UNC5D: variants seen among roughly 807,000 people sequenced by gnomAD.
The protein encoded by UNC5D is unc-5 netrin receptor D.
Under a neutral mutation model 105.4 loss-of-function variants are expected in UNC5D, and 39 were observed. That is an observed-to-expected ratio of 0.37 (90% CI 0.29 to 0.48). UNC5D has a LOEUF of 0.48. Ranked by LOEUF, UNC5D falls within the 20% of genes least tolerant of loss-of-function variation. The pLI is 0.98. For missense variants in UNC5D, 991 were observed against 1,202.4 expected (o/e 0.82, Z 2.60); for synonymous variants, 452 against 450.4 (o/e 1.00, Z -0.04).
chr8:35,284,516 A>G (rs1470978669), intron 1 of UNC5D, among the ~76,000 whole-genome samples: 2 of 152,160 alleles, frequency 1.3e-5, no homozygotes, highest in Non-Finnish European at 2.9e-5. Flanking sequence ...ATTTAGCAGT[A>G]GGAAAATCTG....
In UNC5D at chr8:35,647,819, A is replaced by AT. The variant is rs1823151560; in HGVS notation, c.571-35725dup. Reference sequence around the variant, plus strand: ...TTATCTTTTAATCTAGATGCAAGAAATTTGCTTACATAAGCATGGTAGAAA... The same window carrying AT: ...TTATCTTTTAATCTAGATGCAAGAAATTTTGCTTACATAAGCATGGTAGAAA... On this transcript the variant is annotated intron_variant, in intron 4 of 16. Transcript: ENST00000404895. 3.3e-5 allele frequency among the ~76,000 whole-genome samples: 5 copies of AT among 152,266 alleles called. No homozygotes were observed. In the South Asian group the frequency reaches 1.0e-3, roughly 32 times the overall value.
intron 8 of UNC5D, among the ~76,000 whole-genome samples, chr8:35,709,703 T>C (rs139742401): frequency 4.6e-5 from 7 of 151,622 alleles, no homozygotes; most frequent in Non-Finnish European, 8.8e-5. Context: ...TAAAACAAAA[T>C]AAAATAAAAT....
intron 11 of UNC5D, among the ~76,000 whole-genome samples, chr8:35,745,182 C>T (rs1417991892): frequency 6.6e-6 from 1 of 152,080 alleles, no homozygotes; most frequent in African/African-American, 2.4e-5. Flanking sequence ...AAAAGTCAAA[C>T]AAAGATCTGC....
intron 1 of UNC5D, among the ~76,000 whole-genome samples, chr8:35,433,309 T>C (rs1434739643): frequency 6.6e-6 from 1 of 152,186 alleles, no homozygotes; most frequent in Non-Finnish European, 1.5e-5. Context: ...TTTATGTCCT[T>C]GGTCCATTTG....
At chr8:35,320,023 A>G (rs1392803790) in intron 1 of UNC5D, among the ~76,000 whole-genome samples, 1 of 152,112 alleles carries the variant, frequency 6.6e-6, no homozygotes, top group African/African-American at 2.4e-5. Context: ...ATTTGAAAAG[A>G]TTTATTCTAA....
chr8:35,575,111 C>T (rs567154458), intron 3 of UNC5D, among the ~76,000 whole-genome samples: 111 of 152,224 alleles, frequency 7.3e-4, no homozygotes, highest in African/African-American at 2.6e-3. Flanking sequence ...TTCAAAGCAT[C>T]GATTTAGTAC....
intron 3 of UNC5D, among the ~76,000 whole-genome samples, chr8:35,594,590 A>G (rs1261321016): frequency 6.6e-6 from 1 of 152,138 alleles, no homozygotes; most frequent in African/African-American, 2.4e-5. Flanking sequence ...GGCAGCAAGA[A>G]TTACCCTCGT....
intron 1 of UNC5D, among the ~76,000 whole-genome samples, chr8:35,423,568 G>A (rs190797853): frequency 2.0e-5 from 3 of 152,200 alleles, no homozygotes; most frequent in Admixed American, 6.5e-5. Context: ...TCAGTGTTTC[G>A]GTGTAATAAA....
intron 5 of UNC5D, 114 bp from the exon 6 acceptor site, chr8:35,684,468 C>T: frequency 2.3e-6 from 3 of 1,306,638 alleles, no homozygotes; most frequent in Non-Finnish European, 3.1e-6. Context: ...GCTGCACAGT[C>T]TCTCGGTCCC....
chr8:35,562,708 G>A (rs978994240), intron 2 of UNC5D, among the ~76,000 whole-genome samples: 3 of 151,924 alleles, frequency 2.0e-5, no homozygotes, highest in Non-Finnish European at 4.4e-5. Flanking sequence ...CATATGTTCG[G>A]TTATTAATCC....
chr8:35,545,884 A>T (rs1190353334), intron 1 of UNC5D, among the ~76,000 whole-genome samples: 1 of 151,464 alleles, frequency 6.6e-6, no homozygotes, highest in Non-Finnish European at 1.5e-5. Context: ...ACGTTAACTG[A>T]TTCTTTTTTC....
chr8:35,352,353 G>A (rs1812297531), intron 1 of UNC5D, among the ~76,000 whole-genome samples: 1 of 151,870 alleles, frequency 6.6e-6, no homozygotes, highest in African/African-American at 2.4e-5. Context: ...TTTTTTGTTG[G>A]TTTGATTGGT....
intron 3 of UNC5D, among the ~76,000 whole-genome samples, chr8:35,578,712 A>G (rs2130831507): frequency 6.6e-6 from 1 of 152,312 alleles, no homozygotes; most frequent in Non-Finnish European, 1.5e-5. Context: ...ACTGAACTGT[A>G]AGAGACTCTG....
intron 8 of UNC5D, among the ~76,000 whole-genome samples, chr8:35,716,009 G>A (rs995713993): frequency 6.6e-6 from 1 of 152,140 alleles, no homozygotes; most frequent in African/African-American, 2.4e-5. Flanking sequence ...GAGTTGCAAG[G>A]AAAGCCTGGG....
chr8:35,413,866 T>C (rs927863875), intron 1 of UNC5D, among the ~76,000 whole-genome samples: 1 of 152,070 alleles, frequency 6.6e-6, no homozygotes, highest in Non-Finnish European at 1.5e-5. Context: ...AGTCTTTAAG[T>C]TTTCTGTCCT....
chr8:35,638,640 TA>T (rs901867651), intron 4 of UNC5D, among the ~76,000 whole-genome samples: 3 of 151,434 alleles, frequency 2.0e-5, no homozygotes, highest in African/African-American at 7.3e-5. Context: ...TAAAAAAAAA[TA>T]AAAAATTAGA....
chr8:35,762,100 G>A (rs1801562223), intron 14 of UNC5D, among the ~76,000 whole-genome samples: 1 of 152,118 alleles, frequency 6.6e-6, no homozygotes, highest in Non-Finnish European at 1.5e-5. Context: ...TCTGGGAGCT[G>A]ACTTATTACA....
chr8:35,607,399 C>T (rs767872541), intron 4 of UNC5D, among the ~76,000 whole-genome samples: 41 of 152,300 alleles, frequency 2.7e-4, no homozygotes, highest in Middle Eastern at 3.4e-3. Context: ...AATCCAACAG[C>T]ATTAATTCCT....
chr8:35,547,659 G>A (rs1239506375), intron 1 of UNC5D, among the ~76,000 whole-genome samples: 1 of 152,122 alleles, frequency 6.6e-6, no homozygotes, highest in Non-Finnish European at 1.5e-5. Context: ...CCTGATTTCG[G>A]TTGTTGACTT....
Sources: gnomAD v4.1 joint callset for allele counts (sites outside exome capture counted in the v4.1 genomes callset) on GRCh38, gnomAD v4.1.1 for gene constraint, MANE v1.5 for transcripts, NCBI Gene and HGNC (gene_info 2026-07-23, HGNC 2026-07-21) for gene names.